Variants in GPAT4 observed in about 807,000 individuals in gnomAD.
The protein encoded by GPAT4 is glycerol-3-phosphate acyltransferase 4.
A neutral mutation model predicts 58.0 loss-of-function variants in GPAT4; 17 were observed. The ratio of observed to expected loss-of-function variants is 0.29; its 90% CI spans 0.20 to 0.44. GPAT4 has a LOEUF of 0.44. GPAT4 is among the 20% of genes least tolerant of loss of function. GPAT4 has a pLI of 1.00. For missense variants in GPAT4, 377 were observed against 574.5 expected (o/e 0.66, Z 3.51); for synonymous variants, 204 against 210.1 (o/e 0.97, Z 0.25).
intron 1 of GPAT4, among the ~76,000 whole-genome samples, chr8:41,588,644 T>A (rs2150483756): frequency 6.6e-6 from 1 of 152,362 alleles, no homozygotes; most frequent in African/African-American, 2.4e-5. Flanking sequence ...GGCATATCTT[T>A]TCACCGCTGA....
Position 41,609,673 on chromosome 8 carries a change from C to T in GPAT4, c.254C>T (p.Pro85Leu), listed in dbSNP as rs775875846. Reference protein sequence around the residue: ...PYTNGIIAKDPTSLEEEIKEI... With the variant: ...PYTNGIIAKDLTSLEEEIKEI... ...TTTGCAGGAATCATTGCAAAGGATC[C>T]CACTTCACTAGAAGAAGAGATCAAA... Residue 85 changes from proline to leucine, a missense_variant, in exon 4 of 13, where the codon CCC becomes CTC. Pro to Leu is a moderately conservative substitution (Grantham distance 98, BLOSUM62 -3). Transcript: ENST00000396987. 1.2e-6 allele frequency: 2 copies of T among 1,612,496 alleles called. No individual in the cohort carries two copies. The highest frequency in any genetic ancestry group is 3.3e-5 in the Admixed American group (2 of 59,900).
At chr8:41,583,367 C>A (rs1802574239) in intron 1 of GPAT4, among the ~76,000 whole-genome samples, 1 of 151,908 alleles carries the variant, frequency 6.6e-6, no homozygotes, top group South Asian at 2.1e-4. Flanking sequence ...CCCTTCCCAG[C>A]TGCTGGTATC....
At chr8:41,599,436 T>C in intron 2 of GPAT4, 132 bp downstream of exon 2, 1 of 1,094,734 alleles carries the variant, frequency 9.1e-7, no homozygotes, top group East Asian at 2.6e-5. Context: ...AGTGGCTTTT[T>C]GAGTAAGAAG....
rs144363912 is a variant in GPAT4 at position 41,593,512 on chromosome 8, G to A, written c.-848-4780G>A. ...CCCACGGTGAGTTTCCTCATGCTTCGGCCGTGTGTGGACCACTCAGCCTCA... is the reference window on the plus strand; with the variant it reads ...CCCACGGTGAGTTTCCTCATGCTTCAGCCGTGTGTGGACCACTCAGCCTCA... On this transcript the variant is annotated intron_variant, in intron 1 of 12. Coordinates refer to ENST00000396987, the MANE Select transcript of GPAT4 (RefSeq NM_178819.4). 4.1e-3 allele frequency among the ~76,000 whole-genome samples: 617 copies of A among 152,280 alleles called. 2 individuals are homozygous for A. Among genetic ancestry groups the A allele is most frequent in the Middle Eastern group, 0.014 (4 of 294 alleles).
chr8:41,599,883 A>G (rs1382028513), intron 2 of GPAT4, among the ~76,000 whole-genome samples: 1 of 152,206 alleles, frequency 6.6e-6, no homozygotes, highest in Non-Finnish European at 1.5e-5. Context: ...TCTCTCCCAC[A>G]AGACTTAAAT....
intron 9 of GPAT4, among the ~76,000 whole-genome samples, 196 bp from the exon 10 acceptor site, chr8:41,614,767 T>A (rs1465657612): frequency 6.6e-6 from 1 of 152,192 alleles, no homozygotes; most frequent in Admixed American, 6.5e-5. Flanking sequence ...AAAGTGGTCC[T>A]GTAGAAAGAG....
At chr8:41,603,262 C>T (rs1269984789) in intron 2 of GPAT4, among the ~76,000 whole-genome samples, 3 of 152,194 alleles carry the variant, frequency 2.0e-5, no homozygotes, top group East Asian at 3.9e-4. Flanking sequence ...CGCAGTGGCT[C>T]ATGCCTGTAA....
chr8:41,589,378 G>T, intron 1 of GPAT4, among the ~76,000 whole-genome samples: 1 of 125,668 alleles, frequency 8.0e-6, no homozygotes. Flanking sequence ...GATGGGGTGG[G>T]ATGGGATGGG....
At chr8:41,606,646 G>A (rs1563275877) in intron 2 of GPAT4, among the ~76,000 whole-genome samples, 1 of 152,214 alleles carries the variant, frequency 6.6e-6, no homozygotes, top group Non-Finnish European at 1.5e-5. Flanking sequence ...GATGGTTGAT[G>A]CTTTTGTAGC....
intron 10 of GPAT4, among the ~76,000 whole-genome samples, chr8:41,615,463 C>G (rs1287644525): frequency 6.6e-6 from 1 of 150,612 alleles, no homozygotes; most frequent in Non-Finnish European, 1.5e-5. Flanking sequence ...GGGGGGGGGT[C>G]ATTACTCCAG....
chr8:41,615,524 C>T (rs1181629599), intron 10 of GPAT4, among the ~76,000 whole-genome samples: 4 of 152,024 alleles, frequency 2.6e-5, no homozygotes, highest in Non-Finnish European at 4.4e-5. Context: ...TCTTTTAGAC[C>T]TACAACAGCT....
At chr8:41,619,222 C>A in intron 12 of GPAT4, 1 of 564,786 alleles carries the variant, frequency 1.8e-6, no homozygotes. Flanking sequence ...TTGAACCAGT[C>A]TTCCAGGACA....
chr8:41,599,511 A>G (rs927423301), intron 2 of GPAT4, among the ~76,000 whole-genome samples: 1 of 152,202 alleles, frequency 6.6e-6, no homozygotes, highest in African/African-American at 2.4e-5. Flanking sequence ...CGAGGGACCT[A>G]TACCATGACT....
At chr8:41,613,878 C>T (rs147354722) in intron 8 of GPAT4, among the ~76,000 whole-genome samples, 12 of 151,676 alleles carry the variant, frequency 7.9e-5, no homozygotes, top group East Asian at 2.0e-4. Flanking sequence ...ATTGCACCAC[C>T]GCATTCCAGC....
intron 1 of GPAT4, among the ~76,000 whole-genome samples, chr8:41,588,648 C>G (rs1192309074): frequency 6.6e-6 from 1 of 152,224 alleles, no homozygotes. Context: ...TATCTTTTCA[C>G]CGCTGAACAA....
chr8:41,589,675 G>T (rs961387504), intron 1 of GPAT4, among the ~76,000 whole-genome samples: 32 of 152,270 alleles, frequency 2.1e-4, no homozygotes, highest in African/African-American at 6.3e-4. Context: ...ATTGCTGCAG[G>T]TGTTTACTGG....
At chr8:41,614,485 C>T in intron 9 of GPAT4, 44 bp downstream of exon 9, 2 of 1,584,032 alleles carry the variant, frequency 1.3e-6, no homozygotes, top group Non-Finnish European at 1.7e-6. Context: ...GTGGGGAGTG[C>T]AGGAGTGTGA....
rs758905649 is a variant in GPAT4, at chr8:41,600,036, C to CTTTTTTTTTTTTTTTTT, written c.165+734_165+750dup. Among the ~76,000 whole-genome samples, 285 of 100,290 alleles carry CTTTTTTTTTTTTTTTTT rather than the reference C, an allele frequency of 2.8e-3. 8 individuals are homozygous for CTTTTTTTTTTTTTTTTT. Among genetic ancestry groups the CTTTTTTTTTTTTTTTTT allele is most frequent in the Non-Finnish European group, 3.6e-3 (188 of 52,442 alleles). The allele number at this position is 100,290 out of a possible 152,430, so 65.8% of individuals were successfully genotyped here. ...TGTTCATATTTTATCTTTTTCTTTT[C>CTTTTTTTTTTTTTTTTT]TTTTTTTTTTTTTTTTTTCGAGACA... On this transcript the variant is annotated intron_variant, in intron 2 of 12. Coordinates refer to ENST00000396987, the MANE Select transcript of GPAT4 (RefSeq NM_178819.4).
chr8:41,619,020 G>C, intron 12 of GPAT4, 43 bp downstream of exon 12: 2 of 1,604,488 alleles, frequency 1.2e-6, no homozygotes. Flanking sequence ...TTCTGCAGCA[G>C]ATGCTGTGTC....
Sources: allele counts gnomAD v4.1 joint callset (sites outside exome capture counted in the v4.1 genomes callset), GRCh38; gene constraint gnomAD v4.1.1; transcripts MANE v1.5; gene names NCBI Gene and HGNC (gene_info 2026-07-23, HGNC 2026-07-21).